Variants in PRCP observed in about 807,000 individuals in gnomAD.
PRCP encodes prolylcarboxypeptidase, also known as lysosomal Pro-X carboxypeptidase.
PRCP carries 46 observed loss-of-function variants against 54.2 expected under a neutral mutation model. That is an observed-to-expected ratio of 0.85 (90% CI 0.67 to 1.09). PRCP has a LOEUF of 1.09. Ranked by LOEUF, PRCP falls within the 50% of genes least tolerant of loss-of-function variation. The pLI is 0.00. For synonymous variants in PRCP, 240 were observed against 212.2 expected, an observed-to-expected ratio of 1.13 and a Z score of -1.14; for missense variants, 613 against 596.8, an observed-to-expected ratio of 1.03 and a Z score of -0.28.
chr11:82,851,289 T>C (rs1353290846), intron 3 of PRCP, among the ~76,000 whole-genome samples: 6 of 152,024 alleles, frequency 3.9e-5, no homozygotes, highest in Admixed American at 6.6e-5. Context: ...TTTAATGACT[T>C]GGTTCTAATG....
intron 1 of PRCP, among the ~76,000 whole-genome samples, chr11:82,882,875 A>ACACACACACACT (rs71274460): frequency 0.098 from 14,631 of 149,136 alleles, 1,230 homozygotes; most frequent in African/African-American, 0.22. Flanking sequence ...ACACACACAC[A>ACACACACACACT]GCCCTACTGC....
intron 1 of PRCP, among the ~76,000 whole-genome samples, chr11:82,887,516 A>G (rs961551243): frequency 2.6e-5 from 4 of 152,232 alleles, no homozygotes; most frequent in Non-Finnish European, 5.9e-5. Context: ...CAAAGTATTG[A>G]TACTATGTCA....
At chr11:82,900,211 G>C (rs776767303) in intron 1 of PRCP, 24 bp downstream of exon 1, 6 of 1,612,690 alleles carry the variant, frequency 3.7e-6, no homozygotes, top group Non-Finnish European at 5.1e-6. Context: ...GGCCTGGGAC[G>C]GCGAAGCCCC....
At chr11:82,860,510 C>T (rs764592489) in intron 1 of PRCP, among the ~76,000 whole-genome samples, 7 of 151,714 alleles carry the variant, frequency 4.6e-5, no homozygotes, top group Non-Finnish European at 1.0e-4. Context: ...TTCTGAAATA[C>T]GTATATGCTG....
chr11:82,838,613 G>C (rs373385836), intron 7 of PRCP, 39 bp from the exon 8 acceptor site: 45 of 1,558,486 alleles, frequency 2.9e-5, no homozygotes, highest in Admixed American at 9.3e-5. Flanking sequence ...TTAGAAAAAT[G>C]AGGCAAAAAG....
chr11:82,852,535 G>A (rs780750789), intron 3 of PRCP, among the ~76,000 whole-genome samples: 2 of 152,170 alleles, frequency 1.3e-5, no homozygotes, highest in Non-Finnish European at 2.9e-5. Flanking sequence ...TAAAAAGTGA[G>A]CTGATTAAAG....
At chr11:82,838,316 G>A in intron 8 of PRCP, 71 bp downstream of exon 8, 1 of 1,388,482 alleles carries the variant, frequency 7.2e-7, no homozygotes, top group Non-Finnish European at 9.9e-7. Flanking sequence ...GCATTTCCCT[G>A]GTTCTGTTTT....
chr11:82,833,950 A>C (rs563667652), intron 8 of PRCP, among the ~76,000 whole-genome samples: 1 of 152,158 alleles, frequency 6.6e-6, no homozygotes, highest in Non-Finnish European at 1.5e-5. Context: ...CCCTTCTCCA[A>C]TGATGATGAT....
intron 1 of PRCP, among the ~76,000 whole-genome samples, chr11:82,897,305 G>T (rs1860139989): frequency 6.6e-6 from 1 of 152,164 alleles, no homozygotes; most frequent in Non-Finnish European, 1.5e-5. Context: ...AATAAAAAAT[G>T]ATTTGTGACA....
chr11:82,891,772 A>G (rs11233363), intron 1 of PRCP, among the ~76,000 whole-genome samples: 19,826 of 152,186 alleles, frequency 0.13, 1,359 homozygotes, highest in Middle Eastern at 0.19. Flanking sequence ...TATAGTAGGC[A>G]CCTAATAAAA....
chr11:82,850,788 A>G (rs956840469), intron 3 of PRCP, among the ~76,000 whole-genome samples: 3 of 152,376 alleles, frequency 2.0e-5, no homozygotes, highest in Admixed American at 6.5e-5. Flanking sequence ...GTGATCGAAT[A>G]TAAACTAAGC....
chr11:82,835,966 G>A (rs528234082), intron 8 of PRCP: 18 of 295,870 alleles, frequency 6.1e-5, no homozygotes, highest in South Asian at 5.8e-4. Context: ...GCCGAGTCAG[G>A]TGGATCACAA....
At chr11:82,829,774 T>C (rs1225836838) in intron 8 of PRCP, 1 of 152,198 alleles carries the variant, frequency 6.6e-6, no homozygotes, top group African/African-American at 2.4e-5. Context: ...CTGAATGAAC[T>C]TAAAAAGTGT....
At chr11:82,847,667 C>T (rs992949833) in intron 6 of PRCP, among the ~76,000 whole-genome samples, 1 of 152,108 alleles carries the variant, frequency 6.6e-6, no homozygotes, top group East Asian at 1.9e-4. Context: ...AGTACAGTGG[C>T]ATGATCACAG....
intron 1 of PRCP, chr11:82,885,005 A>C: frequency 7.1e-7 from 1 of 1,402,674 alleles, no homozygotes; most frequent in South Asian, 1.5e-5. Flanking sequence ...GAAAGAAAAA[A>C]TATGATATAA....
intron 6 of PRCP, among the ~76,000 whole-genome samples, chr11:82,847,488 C>T (rs530777989): frequency 7.9e-5 from 12 of 152,296 alleles, no homozygotes; most frequent in African/African-American, 2.4e-4. Context: ...TACATGAAAG[C>T]GCTTTGTAAA....
chr11:82,849,054 T>G lies in PRCP; in HGVS notation c.916A>C (p.Ile306Leu). Residue 306 changes from isoleucine to leucine, a missense_variant, in exon 6 of 9, where the codon ATC (isoleucine) becomes CTC (leucine). Transcript: ENST00000313010. The part of the protein sequence containing the change: ...NFLQPLPAWP[I>L]KVVCQYLKNP... ...ACAGGACATTTTCCTATTACCTTGA[T>G]AGGCCAAGCAGGCAAAGGCTGTAAA... 6.2e-7 allele frequency: 1 copy of G among 1,612,434 alleles called. No individual in the cohort carries two copies. Among genetic ancestry groups the G allele is most frequent in the Non-Finnish European group, 8.5e-7 (1 of 1,179,388 alleles).
rs149678710 is a variant in PRCP at position 82,851,665 on chromosome 11, A to C, written c.412-1160T>G. Reference sequence around the variant, plus strand: ...GATGTTTATTGCTGTTTTAAGCCATAAGGTTTGAAGTACATCTTTACTAGA... The same window carrying C: ...GATGTTTATTGCTGTTTTAAGCCATCAGGTTTGAAGTACATCTTTACTAGA... On this transcript the variant is annotated intron_variant, in intron 3 of 8. Transcript: ENST00000313010. Among the ~76,000 whole-genome samples the C allele has an allele frequency of 4.6e-5, 7 of 152,064 alleles. No homozygotes were observed. The East Asian group carries it at 1.4e-3, about 29-fold the overall frequency.
At chr11:82,837,632 TG>T (rs747608947) in intron 8 of PRCP, among the ~76,000 whole-genome samples, 1 of 152,216 alleles carries the variant, frequency 6.6e-6, no homozygotes, top group Non-Finnish European at 1.5e-5. Flanking sequence ...TATATAGACT[TG>T]GGGAAATTCT....
Sources: gnomAD v4.1 joint callset for allele counts (sites outside exome capture counted in the v4.1 genomes callset) on GRCh38, gnomAD v4.1.1 for gene constraint, MANE v1.5 for transcripts, NCBI Gene and HGNC (gene_info 2026-07-23, HGNC 2026-07-21) for gene names.